Variants in DDX10 observed in about 807,000 individuals in gnomAD.
The protein encoded by DDX10 is DEAD-box helicase 10, also known as probable ATP-dependent RNA helicase DDX10.
In DDX10, 74 loss-of-function variants were observed where a neutral mutation model predicts 104.3. The ratio of observed to expected loss-of-function variants is 0.71; its 90% confidence interval spans 0.59 to 0.86. The LOEUF is 0.86. Among genes scored for constraint, DDX10 ranks in the 40% least tolerant of loss-of-function variants. The probability of loss-of-function intolerance (pLI) is 0.00; values close to 1 mark genes in which losing one functional copy is unlikely to be tolerated. For missense variants in DDX10, 952 were observed against 1,040.0 expected, an observed-to-expected ratio of 0.92 and a Z score of 1.16; for synonymous variants, 351 against 353.4, an observed-to-expected ratio of 0.99 and a Z score of 0.08.
At chr11:108,688,093 G>A (rs1176178058) in intron 6 of DDX10, among the ~76,000 whole-genome samples, 1 of 152,150 alleles carries the variant, frequency 6.6e-6, no homozygotes, top group Non-Finnish European at 1.5e-5. Context: ...GTATGTGGCT[G>A]TGTAATTGTT....
At chr11:108,759,319 C>G (rs1471301091) in intron 13 of DDX10, among the ~76,000 whole-genome samples, 4 of 151,994 alleles carry the variant, frequency 2.6e-5, no homozygotes, top group African/African-American at 9.7e-5. Context: ...CAATAAACTT[C>G]AAATAAATAG....
At chr11:108,726,861 C>G (rs1361288274) in intron 13 of DDX10, among the ~76,000 whole-genome samples, 2 of 151,998 alleles carry the variant, frequency 1.3e-5, no homozygotes, top group South Asian at 2.1e-4. Context: ...AAGCTTCCAT[C>G]TATTCCTAGC....
In DDX10 at chr11:108,692,164, G is replaced by A. The variant is rs1489641698; in HGVS notation, c.1138+126G>A. 7 of 842,930 alleles carry A rather than the reference G, an allele frequency of 8.3e-6. No homozygotes were observed. The Middle Eastern group carries it at 1.0e-3, about 123-fold the overall frequency. 52.2% of individuals were successfully genotyped at this position (842,930 alleles called of 1,614,324 possible). A position where few individuals can be genotyped will look rare whatever the true frequency, so the allele number is the denominator to read the frequency against. On this transcript the variant is annotated intron_variant, in intron 8 of 17. Coordinates refer to ENST00000322536, the MANE Select transcript of DDX10 (RefSeq NM_004398.4). ...TCTTTTCTTATTTTGTAAGAGAAAA[G>A]TAAGTAGTAAATTGGTAGCAGTTGA...
At chr11:108,718,163 CA>C (rs5794602) in intron 11 of DDX10, among the ~76,000 whole-genome samples, 19,142 of 135,476 alleles carry the variant, frequency 0.14, 1,450 homozygotes, top group East Asian at 0.28. Context: ...GGCTCTGTCT[CA>C]AAAAAAAAAA....
intron 16 of DDX10, among the ~76,000 whole-genome samples, chr11:108,858,622 A>G (rs1862902073): frequency 6.6e-6 from 1 of 152,212 alleles, no homozygotes; most frequent in Non-Finnish European, 1.5e-5. Context: ...AAGATGATAG[A>G]TTCTTAATAT....
intron 16 of DDX10, among the ~76,000 whole-genome samples, chr11:108,904,967 A>G (rs1422948106): frequency 2.0e-5 from 3 of 152,174 alleles, no homozygotes; most frequent in Non-Finnish European, 4.4e-5. Flanking sequence ...GCTTTCAGGG[A>G]TGAATGACCT....
intron 13 of DDX10, among the ~76,000 whole-genome samples, chr11:108,784,022 A>G (rs1168378420): frequency 1.3e-5 from 2 of 152,202 alleles, no homozygotes; most frequent in African/African-American, 4.8e-5. Flanking sequence ...TGTAGTGTAT[A>G]TGTTCCACAT....
chr11:108,689,160 G>A, intron 7 of DDX10, 98 bp downstream of exon 7: 1 of 1,271,584 alleles, frequency 7.9e-7, no homozygotes, highest in Non-Finnish European at 1.1e-6. Flanking sequence ...GAGAAGTACA[G>A]TGCTAGGTGT....
At chr11:108,807,228 G>A (rs1010119953) in intron 13 of DDX10, among the ~76,000 whole-genome samples, 2 of 152,166 alleles carry the variant, frequency 1.3e-5, no homozygotes, top group Non-Finnish European at 2.9e-5. Flanking sequence ...TTAAAGATTT[G>A]TAGAGTTTAG....
At chr11:108,760,898 T>G (rs992976422) in intron 13 of DDX10, among the ~76,000 whole-genome samples, 3 of 152,016 alleles carry the variant, frequency 2.0e-5, no homozygotes, top group Non-Finnish European at 4.4e-5. Flanking sequence ...GCTGTTCACT[T>G]AAATCTTCAC....
intron 13 of DDX10, among the ~76,000 whole-genome samples, chr11:108,731,111 GC>G (rs1200081545): frequency 6.6e-6 from 1 of 151,814 alleles, no homozygotes; most frequent in African/African-American, 2.4e-5. Flanking sequence ...GAGTGCAGTG[GC>G]CGATCTTGGC....
Position 108,741,249 on chromosome 11 carries a change from C to T in DDX10, c.1965+17787C>T, listed in dbSNP as rs186773141. 1.1e-3 allele frequency among the ~76,000 whole-genome samples: 174 copies of T among 152,216 alleles called. 1 individual carries two copies. The highest frequency in any genetic ancestry group is 4.1e-3 in the African/African-American group (172 of 41,530). On this transcript the variant is annotated intron_variant, in intron 13 of 17. Coordinates refer to ENST00000322536, the MANE Select transcript of DDX10 (RefSeq NM_004398.4). ...ATGTTGGGTGATGTGATGCCTCCTA[C>T]TTCATTCTTTTTGCTTAGGATTGCC...
chr11:108,773,589 C>G (rs1007116411), intron 13 of DDX10, among the ~76,000 whole-genome samples: 3 of 151,942 alleles, frequency 2.0e-5, no homozygotes, highest in Non-Finnish European at 2.9e-5. Context: ...CATAAATGCA[C>G]TTTTCACTTA....
intron 13 of DDX10, among the ~76,000 whole-genome samples, chr11:108,764,873 G>C (rs1395551405): frequency 1.3e-5 from 2 of 152,150 alleles, no homozygotes; most frequent in Non-Finnish European, 2.9e-5. Context: ...ATTGTCATCT[G>C]TAGTGATTCT....
At chr11:108,863,324 G>A (rs1460178988) in intron 16 of DDX10, among the ~76,000 whole-genome samples, 1 of 152,074 alleles carries the variant, frequency 6.6e-6, no homozygotes, top group East Asian at 1.9e-4. Context: ...TGCAGAAATG[G>A]TATATACGTG....
In DDX10 at chr11:108,856,008, T is replaced by C. The variant is rs193264610; in HGVS notation, c.2304+3799T>C. Among the ~76,000 whole-genome samples, 8 of 152,356 alleles carry C rather than the reference T, an allele frequency of 5.3e-5. No individual in the cohort carries two copies. The East Asian group carries it at 1.5e-3, about 29-fold the overall frequency. On this transcript the variant is annotated intron_variant, in intron 16 of 17. Coordinates refer to ENST00000322536, the MANE Select transcript of DDX10 (RefSeq NM_004398.4). Reference sequence around the variant, plus strand: ...TTGGTTTGTACTGTGTTTTTATTTATACTTAACAAATAGTGGTTTTAGGTA... The same window carrying C: ...TTGGTTTGTACTGTGTTTTTATTTACACTTAACAAATAGTGGTTTTAGGTA...
chr11:108,717,581 G>C (rs1427894360), intron 11 of DDX10, among the ~76,000 whole-genome samples: 1 of 152,190 alleles, frequency 6.6e-6, no homozygotes, highest in East Asian at 1.9e-4. Context: ...CAAAGTGCTG[G>C]TATTACAAGC....
At chr11:108,881,106 A>G (rs906057458) in intron 16 of DDX10, among the ~76,000 whole-genome samples, 2 of 152,212 alleles carry the variant, frequency 1.3e-5, no homozygotes, top group Non-Finnish European at 2.9e-5. Context: ...CGTCACATGC[A>G]TTGTGAGCAC....
chr11:108,696,322 G>T (rs1023132720), intron 9 of DDX10, among the ~76,000 whole-genome samples: 16 of 152,040 alleles, frequency 1.1e-4, no homozygotes, highest in African/African-American at 3.9e-4. Context: ...GACTATAGGC[G>T]CGTGCCACCA....
Sources: allele counts gnomAD v4.1 joint callset (sites outside exome capture counted in the v4.1 genomes callset), GRCh38; gene constraint gnomAD v4.1.1; transcripts MANE v1.5; gene names NCBI Gene and HGNC (gene_info 2026-07-23, HGNC 2026-07-21).